SPIRE2: variants seen among roughly 807,000 people sequenced by gnomAD.
SPIRE2 encodes the protein spire type actin nucleation factor 2, also known as protein spire homolog 2.
A neutral mutation model predicts 80.7 loss-of-function variants in SPIRE2; 76 were observed. The observed-to-expected ratio is 0.94, with a 90% confidence interval of 0.78 to 1.14. The LOEUF is 1.14. Among genes scored for constraint, SPIRE2 ranks in the 50% most tolerant of loss-of-function variants. SPIRE2 has a pLI of 0.00. For synonymous variants in SPIRE2, 535 were observed against 432.6 expected (o/e 1.24, Z -2.94); for missense variants, 1,196 against 1,015.3 (o/e 1.18, Z -2.42).
rs1204337893 is a variant in SPIRE2, at chr16:89,843,674, TTTTTTTGTTTGTTTTTGTTTTTTG to T, written c.245-1641_245-1618del. ...CTGCTGCCTTGCTGCCACGTTTTTT[TTTTTTTGTTTGTTTTTGTTTTTTG>T]TTTTTTTTTTTTTTTTTTTGAGACA... On this transcript the variant is annotated intron_variant, in intron 1 of 14. Transcript: ENST00000378247. Among the ~76,000 whole-genome samples, 92 of 56,032 alleles carry T rather than the reference TTTTTTTGTTTGTTTTTGTTTTTTG, an allele frequency of 1.6e-3. 1 individual carries two copies. The highest frequency in any genetic ancestry group is 2.3e-3 in the Non-Finnish European group (76 of 33,000). 36.8% of individuals were successfully genotyped at this position (56,032 alleles called of 152,430 possible). A position where few individuals can be genotyped will look rare whatever the true frequency, so the allele number is the denominator to read the frequency against.
chr16:89,863,699 T>G lies in SPIRE2; in HGVS notation c.1710+89T>G. 6.2e-7 allele frequency: 1 copy of G among 1,610,896 alleles called. No homozygotes were observed. The highest frequency in any genetic ancestry group is 1.1e-5 in the South Asian group (1 of 91,002). ...GCCAGTTCCCAGGACTGTTTGCTCA[T>G]GATCTGGTTGGGAGCCCTGAGGGGG... On this transcript the variant is annotated intron_variant, in intron 11 of 14. Transcript: ENST00000378247. The surrounding 1 kb of genome is among the most constrained non-coding windows in gnomAD (Gnocchi z 4.3).
chr16:89,859,142 G>T lies in SPIRE2; in HGVS notation c.1273-23G>T. 2 of 1,526,810 alleles carry T rather than the reference G, an allele frequency of 1.3e-6. 1 individual carries two copies. The allele number at this position is 1,526,810 out of a possible 1,614,324, so 94.6% of individuals were successfully genotyped here. A position where few individuals can be genotyped will look rare whatever the true frequency, so the allele number is the denominator to read the frequency against. ...GCACTGGCGGGCATTGTCAGGGCAG[G>T]GCCGCGTCTGGTGTGTCCACAGGAA... On this transcript the variant is annotated intron_variant, in intron 8 of 14. Coordinates refer to ENST00000378247, the MANE Select transcript of SPIRE2 (RefSeq NM_032451.2).
chr16:89,861,088 C>T (rs767006229), intron 10 of SPIRE2, among the ~76,000 whole-genome samples: 4 of 152,146 alleles, frequency 2.6e-5, no homozygotes, highest in Non-Finnish European at 5.9e-5. Flanking sequence ...GGTGAACCTG[C>T]GTGCCCTGTG....
At chr16:89,836,266 G>C (rs560881655) in intron 1 of SPIRE2, 1 of 455,914 alleles carries the variant, frequency 2.2e-6, no homozygotes, top group South Asian at 1.5e-5. Flanking sequence ...TCAGCACCTG[G>C]ACCCTCAACT....
Position 89,855,769 on chromosome 16 carries a change from G to A in SPIRE2, c.978+83G>A, listed in dbSNP as rs961872869. On this transcript the variant is annotated intron_variant, in intron 6 of 14. Coordinates refer to ENST00000378247, the MANE Select transcript of SPIRE2 (RefSeq NM_032451.2). The stretch of plus-strand genomic sequence containing the variant: ...GCCAGCCTGGGAGGTGTCCCAGCAC[G>A]TCTTCCTGTGGCCAGCCTGGGAGGT... The A allele has an allele frequency of 1.6e-5, 22 of 1,390,410 alleles. No individual in the cohort carries two copies. In the Admixed American group the frequency reaches 2.8e-4, roughly 18 times the overall value. 86.1% of individuals were successfully genotyped at this position (1,390,410 alleles called of 1,614,324 possible). A position where few individuals can be genotyped will look rare whatever the true frequency, so the allele number is the denominator to read the frequency against.
chr16:89,844,647 C>T (rs917342030), intron 1 of SPIRE2, among the ~76,000 whole-genome samples: 1 of 152,154 alleles, frequency 6.6e-6, no homozygotes, highest in African/African-American at 2.4e-5. Context: ...ACCGTGTTAG[C>T]CAGGATGGCC....
At chr16:89,862,559 C>A (rs981527007) in intron 10 of SPIRE2, 1 of 152,410 alleles carries the variant, frequency 6.6e-6, no homozygotes, top group South Asian at 2.1e-4. Flanking sequence ...TGGCCACGGA[C>A]GTTGTTGGCG....
intron 12 of SPIRE2, among the ~76,000 whole-genome samples, chr16:89,865,448 C>T (rs534427791): frequency 1.3e-5 from 2 of 152,114 alleles, no homozygotes; most frequent in East Asian, 3.9e-4. Context: ...CTAAAGCAAC[C>T]ACTAAAATAA....
chr16:89,840,736 C>T lies in SPIRE2; in HGVS notation c.245-4586C>T, dbSNP rs570942259. 5.0e-4 allele frequency among the ~76,000 whole-genome samples: 75 copies of T among 149,752 alleles called. 1 individual carries two copies. Among genetic ancestry groups the T allele is most frequent in the South Asian group, 2.9e-3 (14 of 4,760 alleles). Reference sequence around the variant, plus strand: ...CTGCAAACTCCGCCTCCCAGGTTCACGCCATTCTCCTGCCTCAGCCTCCCG... The same window carrying T: ...CTGCAAACTCCGCCTCCCAGGTTCATGCCATTCTCCTGCCTCAGCCTCCCG... On this transcript the variant is annotated intron_variant, in intron 1 of 14. Transcript: ENST00000378247.
At chr16:89,833,390 G>A (rs1158197061) in intron 1 of SPIRE2, among the ~76,000 whole-genome samples, 1 of 152,220 alleles carries the variant, frequency 6.6e-6, no homozygotes, top group East Asian at 1.9e-4. Flanking sequence ...CTCCAAAAGT[G>A]CTGGGATTAC....
intron 1 of SPIRE2, among the ~76,000 whole-genome samples, chr16:89,832,194 G>A (rs370316079): frequency 3.9e-5 from 6 of 152,200 alleles, no homozygotes; most frequent in Admixed American, 6.5e-5. Flanking sequence ...TTTCACCCAC[G>A]GAAGCCCGTT....
intron 2 of SPIRE2, chr16:89,846,197 T>G (rs558833670): frequency 4.6e-5 from 7 of 152,516 alleles, no homozygotes; most frequent in African/African-American, 1.7e-4. Flanking sequence ...GCGCCCGGCC[T>G]TATTTTATTT....
intron 1 of SPIRE2, among the ~76,000 whole-genome samples, chr16:89,834,199 T>G (rs2041417845): frequency 7.0e-5 from 9 of 128,910 alleles, no homozygotes. Context: ...ATAGCCCGTG[T>G]GAATCTGTGA....
At chr16:89,832,127 A>G (rs1567667375) in intron 1 of SPIRE2, among the ~76,000 whole-genome samples, 1 of 152,198 alleles carries the variant, frequency 6.6e-6, no homozygotes, top group Admixed American at 6.5e-5. Flanking sequence ...GAGGCAAGAG[A>G]GGGGCTCTGG....
In SPIRE2 at chr16:89,863,907, G is replaced by A. The variant is rs760318771; in HGVS notation, c.1778+46G>A. 1.5e-5 allele frequency: 22 copies of A among 1,505,996 alleles called. No homozygotes were observed. The highest frequency in any genetic ancestry group is 5.9e-5 in the South Asian group (5 of 85,272). 93.3% of individuals were successfully genotyped at this position (1,505,996 alleles called of 1,614,324 possible). On this transcript the variant is annotated intron_variant, in intron 12 of 14. Transcript: ENST00000378247. This position sits in a 1 kb window ranked among gnomAD's most constrained non-coding sequence, Gnocchi z 4.3. ...TCAGTTCACAAGGGAAGGAGGAGGC[G>A]AGAAACCTCGGGGCAGTACCGCCCA...
chr16:89,857,048 A>G (rs954890955), intron 7 of SPIRE2, among the ~76,000 whole-genome samples: 6 of 149,572 alleles, frequency 4.0e-5, no homozygotes, highest in African/African-American at 1.5e-4. Flanking sequence ...ACTGGGTGAC[A>G]GAGTGAGACC....
At chr16:89,866,927 G>A (rs1009599969) in intron 12 of SPIRE2, among the ~76,000 whole-genome samples, 1 of 151,920 alleles carries the variant, frequency 6.6e-6, no homozygotes, top group African/African-American at 2.4e-5. Context: ...TTTATAAGAA[G>A]GTATTTATTT....
chr16:89,870,095 C>A lies in SPIRE2; in HGVS notation c.1968C>A (p.Pro656=), dbSNP rs2041826433. The A allele has an allele frequency of 6.2e-7, 1 of 1,613,590 alleles. No homozygotes were observed. Residue 656 remains proline (P), a synonymous_variant, in exon 15 of 15, where the codon CCC becomes CCA. Transcript: ENST00000378247. ...GGCAGAGCGTGGAGGAGGCGTTCCC[C>A]CACATCTACTCCCACGGCTGTGTCC... ...PQWQSVEEAF[P]HIYSHGCVLK...
At position 89,856,135 on chromosome 16, in the gene SPIRE2, C is replaced by G; in HGVS notation, c.1001C>G (p.Pro334Arg). The G allele has an allele frequency of 6.2e-7, 1 of 1,611,736 alleles. No individual in the cohort carries two copies. The highest frequency in any genetic ancestry group is 8.5e-7 in the Non-Finnish European group (1 of 1,179,612). ...LKQVSERRLRPLPPKQRSLHE... is the reference protein window; with the variant it reads ...LKQVSERRLRRLPPKQRSLHE... ...CAGGTCTCTGAGAGGCGGCTGCGCCCGTTGCCACCAAAGCAAAGGTCCCTG... is the reference window on the plus strand; with the variant it reads ...CAGGTCTCTGAGAGGCGGCTGCGCCGGTTGCCACCAAAGCAAAGGTCCCTG... The change falls in exon 7 of 15, where the codon CCG becomes CGG. Residue 334 changes from proline (P) to arginine (R), a missense_variant. Transcript: ENST00000378247.
Sources: gnomAD v4.1 joint callset for allele counts (sites outside exome capture counted in the v4.1 genomes callset) on GRCh38, gnomAD v4.1.1 for gene constraint, Gnocchi (gnomAD v3.1) non-coding constraint, MANE v1.5 for transcripts, NCBI Gene and HGNC (gene_info 2026-07-23, HGNC 2026-07-21) for gene names.